Variants in GLIS1 observed in about 807,000 individuals in gnomAD.
GLIS1 encodes the protein GLIS family zinc finger 1.
Under a neutral mutation model 63.8 loss-of-function variants are expected in GLIS1, and 24 were observed. That is an observed-to-expected ratio of 0.38 (90% CI 0.27 to 0.53). The LOEUF is 0.53. GLIS1 is among the 20% of genes least tolerant of loss of function. GLIS1 has a pLI of 0.85. For missense variants in GLIS1, 1,036 were observed against 1,074.1 expected, an observed-to-expected ratio of 0.96 and a Z score of 0.50; for synonymous variants, 450 against 482.5, an observed-to-expected ratio of 0.93 and a Z score of 0.88.
intron 2 of GLIS1, among the ~76,000 whole-genome samples, chr1:53,709,938 C>T (rs901692130): frequency 2.0e-5 from 3 of 152,256 alleles, no homozygotes; most frequent in Non-Finnish European, 2.9e-5. Context: ...ACATGGGAGT[C>T]CCCACAGATG....
rs137982477 is a variant in GLIS1, at chr1:53,520,728, G to C, written c.1632C>G (p.Thr544=). Residue 544 remains threonine, a synonymous_variant, in exon 7 of 11, where the codon ACC becomes ACG. Transcript: ENST00000628545. ...AGPDTEADVL[T]ECLVLQQLHT... Reference sequence around the variant, plus strand: ...GGAGCTGCTGCAGGACCAGACACTCGGTCAGGACGTCGGCCTCGGTGTCAG... The same window carrying C: ...GGAGCTGCTGCAGGACCAGACACTCCGTCAGGACGTCGGCCTCGGTGTCAG... 2.1e-5 allele frequency: 33 copies of C among 1,607,260 alleles called. 1 individual carries two copies. Among genetic ancestry groups the C allele is most frequent in the Middle Eastern group, 1.7e-4 (1 of 6,040 alleles).
chr1:53,524,698 G>T (rs1644446234), intron 6 of GLIS1, 79 bp downstream of exon 6: 7 of 963,808 alleles, frequency 7.3e-6, no homozygotes, highest in Non-Finnish European at 1.2e-5. Flanking sequence ...AGATGCATGT[G>T]TTGAGGGTGG....
chr1:53,560,001 C>T lies in GLIS1; in HGVS notation c.1321-30049G>A, dbSNP rs1282363022. 6.6e-6 allele frequency among the ~76,000 whole-genome samples: 1 copy of T among 152,130 alleles called. No homozygotes were observed. The highest frequency in any genetic ancestry group is 2.4e-5 in the African/African-American group (1 of 41,414). On this transcript the variant is annotated intron_variant, in intron 4 of 10. Transcript: ENST00000628545. The surrounding 1 kb of genome is among the most constrained non-coding windows in gnomAD (Gnocchi z 4.4). ...CTTGGCTAACTTATCCTTCAAGGTC[C>T]AACTCAAGTGCTTCCTCCTCTGGGA... is the stretch of plus-strand genomic sequence containing the variant.
At chr1:53,616,792 G>C (rs1000185992) in intron 2 of GLIS1, among the ~76,000 whole-genome samples, 4 of 152,166 alleles carry the variant, frequency 2.6e-5, no homozygotes, top group African/African-American at 9.7e-5. Flanking sequence ...GAGCAGACAG[G>C]GGCAAGAGTT....
At chr1:53,506,866 C>T in intron 10 of GLIS1, 90 bp from the exon 11 acceptor site, 3 of 1,294,434 alleles carry the variant, frequency 2.3e-6, no homozygotes, top group Non-Finnish European at 3.2e-6. Flanking sequence ...CCCGCCTGCC[C>T]AGGGTCATCC....
chr1:53,518,530 G>A (rs1450878499), intron 7 of GLIS1, among the ~76,000 whole-genome samples: 2 of 152,208 alleles, frequency 1.3e-5, no homozygotes, highest in East Asian at 3.8e-4. Context: ...GTCACATAGG[G>A]TTTATGTAAG....
At chr1:53,718,022 T>G (rs1411562509) in intron 2 of GLIS1, among the ~76,000 whole-genome samples, 1 of 152,212 alleles carries the variant, frequency 6.6e-6, no homozygotes, top group African/African-American at 2.4e-5. Context: ...AGAAGTCAGC[T>G]ACAGCCCCCA....
intron 4 of GLIS1, among the ~76,000 whole-genome samples, chr1:53,559,540 C>T (rs3900873): frequency 0.48 from 73,387 of 152,074 alleles, 18,288 homozygotes; most frequent in East Asian, 0.75. Flanking sequence ...TGGCGAACTC[C>T]TGCTGATGTC....
intron 4 of GLIS1, among the ~76,000 whole-genome samples, chr1:53,583,462 C>T (rs534696267): frequency 6.6e-6 from 1 of 152,332 alleles, no homozygotes; most frequent in South Asian, 2.1e-4. Context: ...GTCTTGCCCC[C>T]CAGAATGCAG....
chr1:53,660,566 A>C (rs58061406), intron 2 of GLIS1, among the ~76,000 whole-genome samples: 1,672 of 152,252 alleles, frequency 0.011, 27 homozygotes, highest in African/African-American at 0.038. Flanking sequence ...GTAGAGGAGG[A>C]CAGGACGTGG....
intron 2 of GLIS1, among the ~76,000 whole-genome samples, chr1:53,725,609 T>C (rs963579545): frequency 3.3e-5 from 5 of 152,102 alleles, no homozygotes; most frequent in African/African-American, 1.2e-4. Context: ...GGCTGCGAGC[T>C]CCGAGGAGGC....
intron 6 of GLIS1, among the ~76,000 whole-genome samples, chr1:53,523,542 C>T (rs972821776): frequency 6.6e-6 from 1 of 152,186 alleles, no homozygotes; most frequent in Non-Finnish European, 1.5e-5. Flanking sequence ...TCTTCCCACT[C>T]TGTCCTCCTC....
chr1:53,586,884 G>C (rs1184812687), intron 4 of GLIS1, among the ~76,000 whole-genome samples: 1 of 152,184 alleles, frequency 6.6e-6, no homozygotes, highest in Admixed American at 6.5e-5. Flanking sequence ...CTAGGGAGGG[G>C]ACTCAGCTCC....
chr1:53,645,272 G>A (rs906532324), intron 2 of GLIS1, among the ~76,000 whole-genome samples: 5 of 152,082 alleles, frequency 3.3e-5, no homozygotes, highest in African/African-American at 4.8e-5. Context: ...TTCCAAACAC[G>A]AAATAGCCCT....
At chr1:53,650,363 G>A (rs1334415508) in intron 2 of GLIS1, among the ~76,000 whole-genome samples, 1 of 152,236 alleles carries the variant, frequency 6.6e-6, no homozygotes, top group Admixed American at 6.5e-5. Context: ...GCTGAGGCAG[G>A]TGGATCACCT....
chr1:53,581,467 T>C lies in GLIS1; in HGVS notation c.1320+12641A>G, dbSNP rs535013746. Among the ~76,000 whole-genome samples, 4 of 152,318 alleles carry C rather than the reference T, an allele frequency of 2.6e-5. No homozygotes were observed. In the South Asian group the frequency reaches 8.3e-4, roughly 32 times the overall value. The stretch of plus-strand genomic sequence containing the variant: ...AACATTCATTTATCTGTTGATCACA[T>C]ATTGTGCATCGGGAACTGTTTGAGG... On this transcript the variant is annotated intron_variant, in intron 4 of 10. Coordinates refer to ENST00000628545, the MANE Select transcript of GLIS1 (RefSeq NM_001367484.1).
intron 2 of GLIS1, among the ~76,000 whole-genome samples, chr1:53,695,792 T>C (rs1205508677): frequency 6.6e-6 from 1 of 152,240 alleles, no homozygotes; most frequent in Non-Finnish European, 1.5e-5. Context: ...GTATTGGGTT[T>C]ATATACAGTG....
At chr1:53,649,937 G>T (rs779215724) in intron 2 of GLIS1, among the ~76,000 whole-genome samples, 67 of 152,130 alleles carry the variant, frequency 4.4e-4, no homozygotes, top group Non-Finnish European at 2.5e-4. Flanking sequence ...GCAGATTTTT[G>T]ACTATACCGG....
intron 2 of GLIS1, among the ~76,000 whole-genome samples, chr1:53,644,258 G>C (rs1169265710): frequency 1.3e-5 from 2 of 152,136 alleles, no homozygotes; most frequent in Non-Finnish European, 2.9e-5. Flanking sequence ...AGCTAAAACT[G>C]TACCCCATCC....
Sources: gnomAD v4.1 joint callset for allele counts (sites outside exome capture counted in the v4.1 genomes callset) on GRCh38, gnomAD v4.1.1 for gene constraint, Gnocchi (gnomAD v3.1) non-coding constraint, MANE v1.5 for transcripts, NCBI Gene and HGNC (gene_info 2026-07-23, HGNC 2026-07-21) for gene names.